ERBB4: variants seen among roughly 807,000 people sequenced by gnomAD.
ERBB4 encodes the protein erb-b2 receptor tyrosine kinase 4, also known as receptor tyrosine-protein kinase erbB-4.
In ERBB4, 42 loss-of-function variants were observed where a neutral mutation model predicts 158.0. That is an observed-to-expected ratio of 0.27 (90% CI 0.21 to 0.34). The LOEUF is 0.34. Ranked by LOEUF, ERBB4 falls within the 10% of genes least tolerant of loss-of-function variation. The pLI, the probability that ERBB4 is intolerant of heterozygous loss-of-function variation, is 1.00. For synonymous variants in ERBB4, 583 were observed against 558.7 expected (o/e 1.04, Z -0.61); for missense variants, 1,333 against 1,624.1 (o/e 0.82, Z 3.08).
At chr2:211,511,174 A>G (rs2065875499) in intron 20 of ERBB4, among the ~76,000 whole-genome samples, 1 of 151,836 alleles carries the variant, frequency 6.6e-6, no homozygotes, top group Admixed American at 6.6e-5. Context: ...ACTGTAATTT[A>G]AATGTGACAT....
intron 15 of ERBB4, among the ~76,000 whole-genome samples, chr2:211,664,375 GTGTGTTTATA>G (rs2071542864): frequency 1.3e-5 from 2 of 152,008 alleles, no homozygotes; most frequent in African/African-American, 4.8e-5. Flanking sequence ...GTCTGTGTGT[GTGTGTTTATA>G]TGTGTATGTG....
intron 2 of ERBB4, among the ~76,000 whole-genome samples, chr2:211,961,633 A>G (rs1355225559): frequency 1.3e-5 from 2 of 152,152 alleles, no homozygotes; most frequent in East Asian, 1.9e-4. Flanking sequence ...GAATGAACAC[A>G]CCACCACCTA....
Position 212,062,396 on chromosome 2 carries a change from ATTCT to A in ERBB4, c.234+62352_234+62355del, listed in dbSNP as rs1366129098. On this transcript the variant is annotated intron_variant, in intron 2 of 27. Coordinates refer to ENST00000342788, the MANE Select transcript of ERBB4 (RefSeq NM_005235.3). ...CTCCTACTACTCTTCTCACTTGTCA[ATTCT>A]TTTTTTTTTTTTTTTTTTTTTTTTT... 9.9e-4 allele frequency among the ~76,000 whole-genome samples: 96 copies of A among 96,530 alleles called. 6 individuals are homozygous for A. The highest frequency in any genetic ancestry group is 1.4e-3 in the South Asian group (4 of 2,894). 63.3% of individuals were successfully genotyped at this position (96,530 alleles called of 152,430 possible). A position where few individuals can be genotyped will look rare whatever the true frequency, so the allele number is the denominator to read the frequency against.
In ERBB4 at chr2:212,141,354, G is replaced by A. The variant is rs140040444; in HGVS notation, c.83-16451C>T. Among the ~76,000 whole-genome samples, 138 of 151,912 alleles carry A rather than the reference G, an allele frequency of 9.1e-4. 5 individuals carry two copies. In the South Asian group the frequency reaches 0.026, roughly 29 times the overall value. ...ATTAATGAAGAAACTTGGCTCCCTG[G>A]TTCCCTCCATTTGTGACCCATTCCC... On this transcript the variant is annotated intron_variant, in intron 1 of 27. Transcript: ENST00000342788.
chr2:212,082,900 T>C (rs143949607), intron 2 of ERBB4, among the ~76,000 whole-genome samples: 4 of 152,148 alleles, frequency 2.6e-5, no homozygotes, highest in East Asian at 1.9e-4. Context: ...TGACCAACCA[T>C]GTGTCAATCA....
intron 3 of ERBB4, among the ~76,000 whole-genome samples, chr2:211,913,413 C>A (rs922863067): frequency 6.6e-6 from 1 of 151,854 alleles, no homozygotes; most frequent in Non-Finnish European, 1.5e-5. Flanking sequence ...TCAGCCTGGC[C>A]AAAATGGTGA....
chr2:211,764,111 T>TTCACCTTC (rs1356577365), intron 4 of ERBB4, among the ~76,000 whole-genome samples: 2 of 152,186 alleles, frequency 1.3e-5, no homozygotes, highest in Non-Finnish European at 2.9e-5. Flanking sequence ...TTTTCAGTAA[T>TTCACCTTC]TCACCTTCGA....
At chr2:211,817,204 T>C (rs980687185) in intron 3 of ERBB4, among the ~76,000 whole-genome samples, 1 of 152,192 alleles carries the variant, frequency 6.6e-6, no homozygotes, top group Non-Finnish European at 1.5e-5. Context: ...GCCTAGCATC[T>C]TCCTCAAAGA....
intron 3 of ERBB4, among the ~76,000 whole-genome samples, chr2:211,822,759 G>A (rs563527100): frequency 6.6e-6 from 1 of 152,062 alleles, no homozygotes; most frequent in Admixed American, 6.6e-5. Context: ...TATAACTGTG[G>A]TAAATCGAAT....
intron 4 of ERBB4, chr2:211,777,407 A>G (rs973389973): frequency 1.3e-5 from 2 of 152,188 alleles, no homozygotes; most frequent in Non-Finnish European, 2.9e-5. Context: ...GTACTAATTT[A>G]TGACCCAAAC....
intron 1 of ERBB4, among the ~76,000 whole-genome samples, chr2:212,271,163 AAATCTAT>A: frequency 1.9e-5 from 1 of 52,954 alleles, no homozygotes; most frequent in South Asian, 5.6e-4. Context: ...ACAGAATGGA[AAATCTAT>A]GATGACAGAG....
At chr2:212,499,602 C>G (rs1219800416) in intron 1 of ERBB4, among the ~76,000 whole-genome samples, 3 of 152,058 alleles carry the variant, frequency 2.0e-5, no homozygotes, top group Admixed American at 2.0e-4. Flanking sequence ...GATAAAGGTA[C>G]TGGTATACGA....
chr2:211,375,783 A>G lies in ERBB4; in HGVS notation c.*7832T>C. ...TTAAAAATATATTTCTGACAGATTC[A>G]TGTAACAAAAAGGCAGAACAGTTTT... On this transcript the variant is annotated 3_prime_UTR_variant, in exon 28 of 28. Coordinates refer to ENST00000342788, the MANE Select transcript of ERBB4 (RefSeq NM_005235.3). 1 of 232,020 alleles carries G rather than the reference A, an allele frequency of 4.3e-6. No homozygotes were observed. The highest frequency in any genetic ancestry group is 8.5e-6 in the Non-Finnish European group (1 of 117,020). The allele number at this position is 232,020 out of a possible 1,614,324, so 14.4% of individuals were successfully genotyped here. A position where few individuals can be genotyped will look rare whatever the true frequency, so the allele number is the denominator to read the frequency against.
intron 3 of ERBB4, among the ~76,000 whole-genome samples, chr2:211,808,608 C>T (rs564120820): frequency 6.6e-6 from 1 of 152,238 alleles, no homozygotes; most frequent in African/African-American, 2.4e-5. Flanking sequence ...CTTGGCAATG[C>T]AGGCTCTTTT....
chr2:212,524,300 A>T (rs1692329621), intron 1 of ERBB4, among the ~76,000 whole-genome samples: 2 of 152,010 alleles, frequency 1.3e-5, no homozygotes, highest in Non-Finnish European at 2.9e-5. Flanking sequence ...CTTATCTACC[A>T]CAAATGAAAA....
At chr2:211,514,982 T>C (rs1390855423) in intron 20 of ERBB4, among the ~76,000 whole-genome samples, 1 of 152,270 alleles carries the variant, frequency 6.6e-6, no homozygotes, top group East Asian at 1.9e-4. Flanking sequence ...TTGAAATATA[T>C]ACAATGTACA....
Position 211,666,563 on chromosome 2 carries a change from G to A in ERBB4, c.1717-1086C>T, listed in dbSNP as rs4672622. 3.1e-3 allele frequency among the ~76,000 whole-genome samples: 477 copies of A among 152,244 alleles called. 5 individuals are homozygous for A. Among genetic ancestry groups the A allele is most frequent in the African/African-American group, 0.01 (428 of 41,538 alleles). The stretch of plus-strand genomic sequence containing the variant: ...AATGGATGGAAAGCATACTAGAAAT[G>A]GGTATATCGTCAGAGCAAAGAAAAT... On this transcript the variant is annotated intron_variant, in intron 14 of 27. Transcript: ENST00000342788.
At chr2:211,646,157 C>T (rs1268521219) in intron 16 of ERBB4, among the ~76,000 whole-genome samples, 1 of 151,148 alleles carries the variant, frequency 6.6e-6, no homozygotes, top group Non-Finnish European at 1.5e-5. Flanking sequence ...AAAGAAAAAC[C>T]CTTATTATCG....
At chr2:212,245,510 G>T (rs1395467556) in intron 1 of ERBB4, among the ~76,000 whole-genome samples, 1 of 152,130 alleles carries the variant, frequency 6.6e-6, no homozygotes, top group African/African-American at 2.4e-5. Context: ...ATCAGATATT[G>T]ACGTTAATAT....
Sources: allele counts gnomAD v4.1 joint callset (sites outside exome capture counted in the v4.1 genomes callset), GRCh38; gene constraint gnomAD v4.1.1; transcripts MANE v1.5; gene names NCBI Gene and HGNC (gene_info 2026-07-23, HGNC 2026-07-21).